Variants in USP35 observed in about 807,000 individuals in gnomAD.
The protein encoded by USP35 is ubiquitin specific peptidase 35.
In USP35, 69 loss-of-function variants were observed where a neutral mutation model predicts 83.8. The observed-to-expected ratio is 0.82, with a 90% confidence interval of 0.68 to 1.01. USP35 has a LOEUF of 1.01. USP35 is among the 50% of genes least tolerant of loss of function. The probability of loss-of-function intolerance (pLI) is 0.00; values close to 1 mark genes in which losing one functional copy is unlikely to be tolerated. For synonymous variants in USP35, 714 were observed against 589.5 expected (o/e 1.21, Z -3.06); for missense variants, 1,503 against 1,362.5 (o/e 1.10, Z -1.62).
In USP35 at chr11:78,209,511, C is replaced by A; in HGVS notation, c.1656C>A (p.Pro552=). 6.2e-7 allele frequency: 1 copy of A among 1,614,054 alleles called. No individual in the cohort carries two copies. The highest frequency in any genetic ancestry group is 8.5e-7 in the Non-Finnish European group (1 of 1,179,966). ...AGAAACTCAAGCAGTCCAGCTCGCC[C>A]TCTCCGCCCGAGGAGCCCCCGGCCC... ...ICQKLKQSSS[P]SPPEEPPAPS... Residue 552 remains proline (P), a synonymous_variant, in exon 10 of 11, where the codon CCC becomes CCA. Coordinates refer to ENST00000529308, the MANE Select transcript of USP35 (RefSeq NM_020798.4).
rs1018509110 is a variant in USP35, at chr11:78,213,294, A to G, written c.2890-352A>G. ...GTAGCAGGAGGATGGGCTTTCTCAT[A>G]GGCAGAGCCCATTCCTCGTGATCAT... On this transcript the variant is annotated intron_variant, in intron 10 of 10. Transcript: ENST00000529308. Among the ~76,000 whole-genome samples, 3 of 152,088 alleles carry G rather than the reference A, an allele frequency of 2.0e-5. No homozygotes were observed. The East Asian group carries it at 5.8e-4, about 29-fold the overall frequency.
the USP35 span, among the ~76,000 whole-genome samples, chr11:78,237,130 G>T: frequency 1.3e-5 from 2 of 152,164 alleles, no homozygotes; most frequent in Admixed American, 6.5e-5. Flanking sequence ...TGTTATCTTT[G>T]AATGCTTGGT....
chr11:78,220,066 C>T (rs928986648), downstream of USP35, among the ~76,000 whole-genome samples: 1 of 152,248 alleles, frequency 6.6e-6, no homozygotes, highest in South Asian at 2.1e-4. Context: ...CTCATTTGCC[C>T]ATCTCTACAA....
chr11:78,219,726 C>T (rs1864324718), downstream of USP35, among the ~76,000 whole-genome samples: 1 of 152,174 alleles, frequency 6.6e-6, no homozygotes, highest in Non-Finnish European at 1.5e-5. Flanking sequence ...TCTGCCTCCA[C>T]CCATCTCTGT....
the USP35 span, chr11:78,226,457 A>G: frequency 6.7e-5 from 107 of 1,605,824 alleles, 1 homozygote; most frequent in South Asian, 9.3e-4. Context: ...GCTAGGACTT[A>G]TACTGACCTC....
chr11:78,211,866 C>A (rs1181116517), intron 10 of USP35, among the ~76,000 whole-genome samples: 3 of 151,902 alleles, frequency 2.0e-5, no homozygotes, highest in South Asian at 2.1e-4. Flanking sequence ...GGGTAGTTTG[C>A]AAAAATTTTT....
In USP35 at chr11:78,206,042, G is replaced by A. The variant is rs200350414; in HGVS notation, c.1391+7G>A. 9.3e-5 allele frequency: 149 copies of A among 1,605,992 alleles called. 2 individuals carry two copies. In the East Asian group the frequency reaches 3.3e-3, roughly 36 times the overall value. On this transcript the variant is annotated splice_region_variant and intron_variant, in intron 7 of 10. Coordinates refer to ENST00000529308, the MANE Select transcript of USP35 (RefSeq NM_020798.4). ...CCTTATTCATGGCGTCTGAGTAGGT[G>A]CTGCTTTGGAATTCCCTGTCTGCCC...
chr11:78,212,779 T>C (rs554691349), intron 10 of USP35, among the ~76,000 whole-genome samples: 2 of 152,178 alleles, frequency 1.3e-5, no homozygotes, highest in East Asian at 3.9e-4. Flanking sequence ...GCTTAACAGC[T>C]TAAGAAGCTC....
the USP35 span, chr11:78,225,252 G>C: frequency 8.2e-7 from 1 of 1,218,128 alleles, no homozygotes; most frequent in Non-Finnish European, 1.2e-6. Flanking sequence ...TTCATGTGTT[G>C]ACACTTACCC....
At position 78,213,687 on chromosome 11, in the gene USP35, T is replaced by G; in HGVS notation, c.2931T>G (p.Ser977=). ...KEARSRAAYI[S]ALPTSPHWGR... ...CCCGGAGCAGGGCGGCCTACATCTC[T>G]GCACTCCCCACATCTCCGCACTGGG... Residue 977 remains serine, a synonymous_variant, in exon 11 of 11, where the codon TCT becomes TCG. Transcript: ENST00000529308. 1 of 1,521,944 alleles carries G rather than the reference T, an allele frequency of 6.6e-7. No homozygotes were observed. Among genetic ancestry groups the G allele is most frequent in the Non-Finnish European group, 8.7e-7 (1 of 1,143,960 alleles). The allele number at this position is 1,521,944 out of a possible 1,614,324, so 94.3% of individuals were successfully genotyped here.
intron 6 of USP35, among the ~76,000 whole-genome samples, chr11:78,201,606 A>G (rs889301798): frequency 6.6e-6 from 1 of 152,186 alleles, no homozygotes; most frequent in Admixed American, 6.5e-5. Context: ...GGCCTCATCA[A>G]GCTGGGCTTG....
In USP35 at chr11:78,196,593, G is replaced by A; in HGVS notation, c.348G>A (p.Ala116=). The A allele has an allele frequency of 7.2e-6, 9 of 1,255,558 alleles. No homozygotes were observed. The highest frequency in any genetic ancestry group is 9.0e-6 in the Non-Finnish European group (9 of 999,616). The allele number at this position is 1,255,558 out of a possible 1,614,324, so 77.8% of individuals were successfully genotyped here. The change falls in exon 2 of 11, where the codon GCG becomes GCA. Residue 116 remains alanine, a synonymous_variant. Coordinates refer to ENST00000529308, the MANE Select transcript of USP35 (RefSeq NM_020798.4). The surrounding 1 kb of genome is among the most constrained non-coding windows in gnomAD (Gnocchi z 4.8). ...TGCAGCTGCTGCCCGAGGGGCCTGC[G>A]GCCGACGAGGTGTTCGCGCTGCTGC... is the stretch of plus-strand genomic sequence containing the variant. ...LGLQLLPEGP[A]ADEVFALLRR...
At chr11:78,215,631 C>T (rs546041004), downstream of USP35, 1 of 152,300 alleles carries the variant, frequency 6.6e-6, no homozygotes, top group Non-Finnish European at 1.5e-5. Flanking sequence ...TTCTAGATTT[C>T]AAGACACAAG....
Position 78,199,689 on chromosome 11 carries a change from A to G in USP35, c.901A>G (p.Ile301Val). The G allele has an allele frequency of 6.2e-7, 1 of 1,614,224 alleles. No homozygotes were observed. ...KGLAAVKKFS[I>V]LIEVSLTKIE... ...CCTGGCTGCTGTTAAGAAGTTCAGCATCTTGATCGAGGTTTCGCTCACCAA... is the reference window on the plus strand; with the variant it reads ...CCTGGCTGCTGTTAAGAAGTTCAGCGTCTTGATCGAGGTTTCGCTCACCAA... Residue 301 changes from isoleucine to valine, a missense_variant, in exon 4 of 11, where the codon ATC becomes GTC. Ile to Val is a conservative substitution (Grantham distance 29). Transcript: ENST00000529308.
intron 1 of USP35, among the ~76,000 whole-genome samples, chr11:78,195,884 C>A (rs1210587474): frequency 1.3e-5 from 2 of 152,090 alleles, no homozygotes; most frequent in Non-Finnish European, 2.9e-5. Flanking sequence ...GTGTGTGTGA[C>A]CACTCCTGGG....
intron 10 of USP35, among the ~76,000 whole-genome samples, 148 bp from the exon 11 acceptor site, chr11:78,213,472 TGAAGTCTTTTGAAGGTGTCCACCCCG>T (rs1025889590): frequency 7.5e-6 from 1 of 134,136 alleles, no homozygotes; most frequent in African/African-American, 4.1e-5. Flanking sequence ...GGGGGTCTTT[TGAAGTCTTTTGAAGGTGTCCACCCCG>T]GATATCCTGC....
chr11:78,221,431 C>T, the USP35 span, among the ~76,000 whole-genome samples: 2 of 152,208 alleles, frequency 1.3e-5, no homozygotes, highest in Non-Finnish European at 2.9e-5. Context: ...TCATGAGAGG[C>T]AGGCCCCTGC....
At chr11:78,200,921 GC>G (rs1724845239) in intron 6 of USP35, 113 bp downstream of exon 6, 1 of 1,422,824 alleles carries the variant, frequency 7.0e-7, no homozygotes, top group African/African-American at 1.4e-5. Flanking sequence ...TTGGTGCCTG[GC>G]TGTCTCCCAT....
At chr11:78,209,346 T>C in intron 9 of USP35, 102 bp from the exon 10 acceptor site, 1 of 1,274,000 alleles carries the variant, frequency 7.8e-7, no homozygotes, top group Non-Finnish European at 1.1e-6. Flanking sequence ...TGTGTGCGTC[T>C]CAATGTGTGG....
Sources: gnomAD v4.1 joint callset for allele counts (sites outside exome capture counted in the v4.1 genomes callset) on GRCh38, gnomAD v4.1.1 for gene constraint, Gnocchi (gnomAD v3.1) non-coding constraint, MANE v1.5 for transcripts, NCBI Gene and HGNC (gene_info 2026-07-23, HGNC 2026-07-21) for gene names.